Variants in CHMP5 observed in about 807,000 individuals in gnomAD.
CHMP5 encodes the protein charged multivesicular body protein 5, also known as SNF7 domain containing 2.
Under a neutral mutation model 33.0 loss-of-function variants are expected in CHMP5, and 17 were observed. The observed-to-expected ratio is 0.52, with a 90% CI of 0.35 to 0.77. The LOEUF is 0.77. CHMP5 is among the 30% of genes least tolerant of loss of function. The pLI is 0.01. For missense variants in CHMP5, 216 were observed against 261.5 expected (o/e 0.83, Z 1.20); for synonymous variants, 76 against 90.2 (o/e 0.84, Z 0.89).
chr9:33,273,506 G>A (rs946789151), intron 5 of CHMP5, among the ~76,000 whole-genome samples: 1 of 152,112 alleles, frequency 6.6e-6, no homozygotes, highest in Non-Finnish European at 1.5e-5. Flanking sequence ...CATGACAGGT[G>A]GAGAGCCCCT....
In CHMP5 at chr9:33,267,908, C is replaced by A. The variant is rs1231662987; in HGVS notation, c.221+9C>A. 1 of 1,595,450 alleles carries A rather than the reference C, an allele frequency of 6.3e-7. No homozygotes were observed. Among genetic ancestry groups the A allele is most frequent in the Admixed American group, 1.7e-5 (1 of 59,930 alleles). On this transcript the variant is annotated intron_variant, in intron 3 of 7. Transcript: ENST00000223500. Reference sequence around the variant, plus strand: ...TTAAAGCAAAAGAGGATGTAAGTTACACACACAATTTCTACCTCTAGCAGG... The same window carrying A: ...TTAAAGCAAAAGAGGATGTAAGTTAAACACACAATTTCTACCTCTAGCAGG...
rs199649745 is a variant in CHMP5 at position 33,278,177 on chromosome 9, A to C, written c.561A>C (p.Ala187=). 1 of 1,613,566 alleles carries C rather than the reference A, an allele frequency of 6.2e-7. No individual in the cohort carries two copies. The highest frequency in any genetic ancestry group is 2.2e-5 in the East Asian group (1 of 44,876). Residue 187 remains alanine, a synonymous_variant, in exon 7 of 8, where the codon GCA becomes GCC. Coordinates refer to ENST00000223500, the MANE Select transcript of CHMP5 (RefSeq NM_016410.6). ...ACAGTTCTTATTTGGATGAGGCAGC[A>C]TCTGCACCTGCAATTCCAGAAGGTG... The part of the protein sequence containing the change: ...DEDSSYLDEA[A]SAPAIPEGVP...
chr9:33,273,264 TC>T, intron 5 of CHMP5, among the ~76,000 whole-genome samples: 1 of 150,574 alleles, frequency 6.6e-6, no homozygotes, highest in Middle Eastern at 3.4e-3. Flanking sequence ...GAGCCACCAC[TC>T]CCAGCCATTT....
chr9:33,276,526 A>G lies in CHMP5; in HGVS notation c.458A>G (p.Tyr153Cys). Residue 153 changes from tyrosine to cysteine, a missense_variant, in exon 6 of 8, where the codon TAT (tyrosine) becomes TGT (cysteine). Transcript: ENST00000223500. ...ATCCAAGAAGCACTGAGTCGCAGTT[A>G]TGGCACCCCAGAACTGGATGAAGAT... ...NEIQEALSRS[Y>C]GTPELDEDDL... The G allele has an allele frequency of 1.9e-6, 3 of 1,608,616 alleles. No homozygotes were observed. Among genetic ancestry groups the G allele is most frequent in the Non-Finnish European group, 2.6e-6 (3 of 1,175,386 alleles).
At chr9:33,270,406 G>T (rs560161688) in intron 3 of CHMP5, among the ~76,000 whole-genome samples, 79 of 152,272 alleles carry the variant, frequency 5.2e-4, no homozygotes, top group South Asian at 2.5e-3. Context: ...ATGCATGACT[G>T]TACATGCAAA....
rs1820782553 is a variant in CHMP5, at chr9:33,270,617, A to G, written c.222-6A>G. ...ATATTTGCCATTCTCAATTGACTCTAAAAAGGTATGAGCAGCAGCGGGACA... is the reference window on the plus strand; with the variant it reads ...ATATTTGCCATTCTCAATTGACTCTGAAAAGGTATGAGCAGCAGCGGGACA... On this transcript the variant is annotated splice_region_variant and splice_polypyrimidine_tract_variant and intron_variant, in intron 3 of 7. Coordinates refer to ENST00000223500, the MANE Select transcript of CHMP5 (RefSeq NM_016410.6). 6.2e-7 allele frequency: 1 copy of G among 1,610,368 alleles called. No homozygotes were observed. The highest frequency in any genetic ancestry group is 8.5e-7 in the Non-Finnish European group (1 of 1,177,100).
chr9:33,276,885 C>G (rs1357457293), intron 6 of CHMP5, among the ~76,000 whole-genome samples: 1 of 152,108 alleles, frequency 6.6e-6, no homozygotes, highest in Non-Finnish European at 1.5e-5. Flanking sequence ...TTGGAGTCCT[C>G]TCCCTCAGAA....
intron 1 of CHMP5, 124 bp downstream of exon 1, chr9:33,265,271 C>T (rs1289808060): frequency 3.5e-6 from 3 of 864,888 alleles, no homozygotes; most frequent in Admixed American, 1.9e-5. Context: ...CACGTCGTCC[C>T]TCTCTATCTC....
At chr9:33,265,217 CG>C (rs1820695572) in intron 1 of CHMP5, 70 bp downstream of exon 1, 4 of 1,483,188 alleles carry the variant, frequency 2.7e-6, no homozygotes. Context: ...CCCCCAGCCC[CG>C]GGCCCATATT....
intron 5 of CHMP5, among the ~76,000 whole-genome samples, chr9:33,275,675 T>C (rs1205144974): frequency 4.6e-5 from 7 of 152,206 alleles, no homozygotes; most frequent in Admixed American, 4.6e-4. Flanking sequence ...CTGACAATCA[T>C]CTATTCTCAC....
intron 5 of CHMP5, among the ~76,000 whole-genome samples, chr9:33,273,969 T>G (rs914244836): frequency 2.6e-5 from 4 of 152,312 alleles, no homozygotes; most frequent in Middle Eastern, 3.4e-3. Context: ...GTGTTAAATA[T>G]GCATATAATT....
Position 33,270,623 on chromosome 9 carries a change from G to A in CHMP5, c.222G>A (p.Met74Ile), listed in dbSNP as rs1376655652. The A allele has an allele frequency of 1.2e-6, 2 of 1,613,072 alleles. No homozygotes were observed. Among genetic ancestry groups the A allele is most frequent in the African/African-American group, 1.3e-5 (1 of 74,844 alleles). Residue 74 changes from methionine to isoleucine, a missense_variant and splice_region_variant, in exon 4 of 8, where the codon ATG becomes ATA. Coordinates refer to ENST00000223500, the MANE Select transcript of CHMP5 (RefSeq NM_016410.6). ...GCCATTCTCAATTGACTCTAAAAAGGTATGAGCAGCAGCGGGACAATCTTG... is the reference window on the plus strand; with the variant it reads ...GCCATTCTCAATTGACTCTAAAAAGATATGAGCAGCAGCGGGACAATCTTG... Reference protein sequence around the residue: ...KALRVLKQKRMYEQQRDNLAQ... With the variant: ...KALRVLKQKRIYEQQRDNLAQ...
chr9:33,266,255 G>A (rs777628653), intron 2 of CHMP5, 141 bp downstream of exon 2: 14 of 503,368 alleles, frequency 2.8e-5, no homozygotes, highest in Non-Finnish European at 4.4e-5. Flanking sequence ...GGTGGATCAC[G>A]AGGTCAGGCA....
intron 7 of CHMP5, 114 bp from the exon 8 acceptor site, chr9:33,280,695 G>C (rs1283879500): frequency 2.2e-6 from 2 of 897,512 alleles, no homozygotes; most frequent in Non-Finnish European, 3.4e-6. Flanking sequence ...CTGCGATTTT[G>C]GTTTTGATTG....
intron 5 of CHMP5, among the ~76,000 whole-genome samples, chr9:33,273,394 G>C (rs569069589): frequency 1.3e-5 from 2 of 152,194 alleles, no homozygotes; most frequent in African/African-American, 4.8e-5. Flanking sequence ...GAGAAACTTT[G>C]GTCTTGGTGA....
At position 33,277,784 on chromosome 9, in the gene CHMP5, A is replaced by G. The variant is rs1007977080; in HGVS notation, c.497-329A>G. The G allele has an allele frequency of 3.6e-5, 7 of 193,268 alleles. No homozygotes were observed. The East Asian group carries it at 6.9e-4, about 19-fold the overall frequency. The allele number at this position is 193,268 out of a possible 1,614,324, so 12.0% of individuals were successfully genotyped here. A position where few individuals can be genotyped will look rare whatever the true frequency, so the allele number is the denominator to read the frequency against. ...TATTGTGTGATTCCCCTGTTACATT[A>G]CTACTGCTGCTTTCCCGCTCTCTCC... On this transcript the variant is annotated intron_variant, in intron 6 of 7. Coordinates refer to ENST00000223500, the MANE Select transcript of CHMP5 (RefSeq NM_016410.6).
chr9:33,268,026 TA>T, intron 3 of CHMP5, 127 bp downstream of exon 3: 1 of 692,474 alleles, frequency 1.4e-6, no homozygotes. Context: ...CATTGACGTG[TA>T]ATTAAATACA....
chr9:33,267,893 A>G lies in CHMP5; in HGVS notation c.215A>G (p.Lys72Arg), dbSNP rs902045428. 7 of 1,607,546 alleles carry G rather than the reference A, an allele frequency of 4.4e-6. No homozygotes were observed. Among genetic ancestry groups the G allele is most frequent in the Non-Finnish European group, 6.0e-6 (7 of 1,174,164 alleles). The change falls in exon 3 of 8, where the codon AAG (lysine) becomes AGG (arginine). Residue 72 changes from lysine to arginine, a missense_variant. Physicochemically the swap from Lys to Arg is conservative, Grantham distance 26. Transcript: ENST00000223500. ...KQKALRVLKQ[K>R]RMYEQQRDNL... is the part of the protein sequence containing the mutation. Reference sequence around the variant, plus strand: ...AAAGCCTTGCGAGTTTTAAAGCAAAAGAGGATGTAAGTTACACACACAATT... The same window carrying G: ...AAAGCCTTGCGAGTTTTAAAGCAAAGGAGGATGTAAGTTACACACACAATT...
intron 5 of CHMP5, among the ~76,000 whole-genome samples, chr9:33,274,760 C>T (rs761377161): frequency 1.3e-5 from 2 of 152,104 alleles, no homozygotes; most frequent in Admixed American, 6.5e-5. Context: ...GGATTACAGG[C>T]GCATGCCACC....
Sources: allele counts gnomAD v4.1 joint callset (sites outside exome capture counted in the v4.1 genomes callset), GRCh38; gene constraint gnomAD v4.1.1; transcripts MANE v1.5; gene names NCBI Gene and HGNC (gene_info 2026-07-23, HGNC 2026-07-21).